ERGIC1: variants seen among roughly 807,000 people sequenced by gnomAD.
ERGIC1 encodes the protein endoplasmic reticulum-golgi intermediate compartment 1, also known as endoplasmic reticulum-Golgi intermediate compartment protein 1.
Under a neutral mutation model 38.3 loss-of-function variants are expected in ERGIC1, and 19 were observed. The ratio of observed to expected loss-of-function variants is 0.50; its 90% CI spans 0.35 to 0.73. The LOEUF (loss-of-function observed/expected upper bound fraction) is 0.73. Among genes scored for constraint, ERGIC1 ranks in the 30% least tolerant of loss-of-function variants. ERGIC1 has a pLI of 0.01. For synonymous variants in ERGIC1, 124 were observed against 157.6 expected (o/e 0.79, Z 1.60); for missense variants, 294 against 389.2 (o/e 0.76, Z 2.06).
At chr5:172,884,379 C>T (rs758098181) in intron 1 of ERGIC1, among the ~76,000 whole-genome samples, 1 of 151,294 alleles carries the variant, frequency 6.6e-6, no homozygotes, top group Non-Finnish European at 1.5e-5. Context: ...GTAGCTAGGA[C>T]TATAGGCACA....
chr5:172,891,444 G>GTT (rs752247325), intron 2 of ERGIC1, among the ~76,000 whole-genome samples: 4 of 144,682 alleles, frequency 2.8e-5, no homozygotes, highest in Non-Finnish European at 4.6e-5. Context: ...TATTTAGGCT[G>GTT]TTTTTTTTTT....
At chr5:172,882,751 G>A (rs571317281) in intron 1 of ERGIC1, among the ~76,000 whole-genome samples, 4 of 152,190 alleles carry the variant, frequency 2.6e-5, no homozygotes, top group South Asian at 4.1e-4. Context: ...CTCTTAGAGC[G>A]TCATCATCGC....
intron 1 of ERGIC1, among the ~76,000 whole-genome samples, chr5:172,842,115 C>T (rs867346278): frequency 2.6e-5 from 4 of 152,214 alleles, no homozygotes; most frequent in Admixed American, 6.5e-5. Flanking sequence ...GGCGCAATCT[C>T]GGCTCACTGC....
At chr5:172,946,873 C>T (rs1764133299) in intron 9 of ERGIC1, among the ~76,000 whole-genome samples, 1 of 49,758 alleles carries the variant, frequency 2.0e-5, no homozygotes, top group Non-Finnish European at 4.1e-5. Flanking sequence ...AGAGTTCTCT[C>T]AGCATTTTTT....
At chr5:172,908,120 T>A (rs1382768414) in intron 3 of ERGIC1, among the ~76,000 whole-genome samples, 1 of 151,296 alleles carries the variant, frequency 6.6e-6, no homozygotes, top group Non-Finnish European at 1.5e-5. Flanking sequence ...TGTGTGGCCG[T>A]GTTACCTTGC....
chr5:172,851,365 C>T (rs961036713), intron 1 of ERGIC1, among the ~76,000 whole-genome samples: 7 of 152,036 alleles, frequency 4.6e-5, no homozygotes, highest in South Asian at 2.1e-4. Flanking sequence ...AAAAATTAGC[C>T]GGGCATGGTG....
chr5:172,860,878 G>C (rs189889511), intron 1 of ERGIC1, among the ~76,000 whole-genome samples: 2 of 152,330 alleles, frequency 1.3e-5, no homozygotes, highest in East Asian at 3.9e-4. Context: ...CTCTGCCTGA[G>C]AACCTAGGCT....
chr5:172,939,800 T>C (rs1050041427), intron 9 of ERGIC1, among the ~76,000 whole-genome samples: 1 of 152,172 alleles, frequency 6.6e-6, no homozygotes, highest in African/African-American at 2.4e-5. Context: ...GATGGCGTCA[T>C]TGTGGAGCTT....
intron 9 of ERGIC1, among the ~76,000 whole-genome samples, chr5:172,944,221 C>G (rs1348624317): frequency 2.6e-5 from 4 of 152,204 alleles, no homozygotes; most frequent in African/African-American, 4.8e-5. Context: ...CTCCCTCATC[C>G]CCGACGGGGA....
intron 1 of ERGIC1, among the ~76,000 whole-genome samples, chr5:172,845,370 G>A (rs1761261730): frequency 6.6e-6 from 1 of 152,212 alleles, no homozygotes; most frequent in Non-Finnish European, 1.5e-5. Context: ...CCTGCCGGGG[G>A]AGCCAGGAAG....
chr5:172,909,388 G>A (rs1199593264), intron 3 of ERGIC1, among the ~76,000 whole-genome samples: 1 of 151,988 alleles, frequency 6.6e-6, no homozygotes, highest in Non-Finnish European at 1.5e-5. Context: ...TTGAACTCCT[G>A]ACCTCAGGTG....
rs1290338859 is a variant in ERGIC1, at chr5:172,837,126, G to A, written c.20+2693G>A. Among the ~76,000 whole-genome samples, 1 of 152,172 alleles carries A rather than the reference G, an allele frequency of 6.6e-6. No homozygotes were observed. Among genetic ancestry groups the A allele is most frequent in the East Asian group, 1.9e-4 (1 of 5,198 alleles). On this transcript the variant is annotated intron_variant, in intron 1 of 9. Transcript: ENST00000393784. This position sits in a 1 kb window ranked among gnomAD's most constrained non-coding sequence, Gnocchi z 4.3. Reference sequence around the variant, plus strand: ...TTCAAGGCCAGGGAGAAAACCAGCCGTCCTGCTCGTGTTCCCCTTCTTAAA... The same window carrying A: ...TTCAAGGCCAGGGAGAAAACCAGCCATCCTGCTCGTGTTCCCCTTCTTAAA...
At chr5:172,892,804 G>A (rs1762601526) in intron 2 of ERGIC1, among the ~76,000 whole-genome samples, 1 of 152,090 alleles carries the variant, frequency 6.6e-6, no homozygotes, top group African/African-American at 2.4e-5. Context: ...TAGTCTCTGA[G>A]GCCACAGTGG....
intron 1 of ERGIC1, among the ~76,000 whole-genome samples, chr5:172,861,077 C>A (rs555636109): frequency 6.6e-6 from 1 of 152,202 alleles, no homozygotes; most frequent in Admixed American, 6.5e-5. Context: ...CCTGCAGGGC[C>A]TGTGGGATGT....
chr5:172,841,689 T>A (rs1761164949), intron 1 of ERGIC1, among the ~76,000 whole-genome samples: 1 of 152,190 alleles, frequency 6.6e-6, no homozygotes, highest in South Asian at 2.1e-4. Flanking sequence ...GTCTTGAATA[T>A]CTTTGGAGGA....
Position 172,909,725 on chromosome 5 carries a change from A to G in ERGIC1, c.214A>G (p.Ser72Gly). Residue 72 changes from serine to glycine, a missense_variant, in exon 4 of 10, where the codon AGT becomes GGT. Physicochemically the swap from Ser to Gly is moderately conservative, Grantham distance 56. This residue lies in a region of ERGIC1 where 163 missense variants were observed against 225.8 expected (regional missense o/e 0.72). Transcript: ENST00000393784. ...DKDSGGKIDV[S>G]LNISLPNLHC... ...GGACAGCGGTGGCAAGATCGACGTC[A>G]GTCTGAACATCAGTTTACCCAATCT... 6 of 1,614,228 alleles carry G rather than the reference A, an allele frequency of 3.7e-6. No homozygotes were observed. The highest frequency in any genetic ancestry group is 3.4e-6 in the Non-Finnish European group (4 of 1,180,040).
At chr5:172,909,190 A>C (rs1763142091) in intron 3 of ERGIC1, among the ~76,000 whole-genome samples, 2 of 15,034 alleles carry the variant, frequency 1.3e-4, no homozygotes, top group Admixed American at 5.6e-4. Flanking sequence ...TTTTTTTGAG[A>C]CGGAGTTTCA....
intron 1 of ERGIC1, among the ~76,000 whole-genome samples, chr5:172,871,236 C>G (rs566194858): frequency 6.6e-6 from 1 of 152,334 alleles, no homozygotes; most frequent in African/African-American, 2.4e-5. Context: ...GCTGAGTTTT[C>G]AATTGCCCGA....
At chr5:172,855,675 T>G (rs1016862842) in intron 1 of ERGIC1, among the ~76,000 whole-genome samples, 3 of 152,222 alleles carry the variant, frequency 2.0e-5, no homozygotes, top group Non-Finnish European at 4.4e-5. Flanking sequence ...AGAGCTGGTT[T>G]GGTGCTGGGG....
Sources: gnomAD v4.1 joint callset for allele counts (sites outside exome capture counted in the v4.1 genomes callset) on GRCh38, gnomAD v4.1.1 for gene constraint, gnomAD v4.1.1 regional missense constraint, Gnocchi (gnomAD v3.1) non-coding constraint, MANE v1.5 for transcripts, NCBI Gene and HGNC (gene_info 2026-07-23, HGNC 2026-07-21) for gene names.